LRTM3: variants seen among roughly 807,000 people sequenced by gnomAD.
The protein encoded by LRTM3 is leucine rich repeat transmembrane protein 3, also known as leucine-rich repeat transmembrane protein 3.
At chr13:102,745,064 TCTCTTTGTATTGG>T in the LRTM3 span, 3 of 1,550,882 alleles carry the variant, frequency 1.9e-6, no homozygotes, top group South Asian at 3.6e-5. Context: ...CTTTGTCTCC[TCTCTTTGTATTGG>T]CTCTGCAGGC....
chr13:102,731,287 A>G, the LRTM3 span: 9 of 1,551,184 alleles, frequency 5.8e-6, no homozygotes, highest in African/African-American at 1.2e-4. Context: ...TCCCTTCTAG[A>G]GACATAAAGT....
At chr13:102,737,893 G>A in the LRTM3 span, 1 of 1,550,390 alleles carries the variant, frequency 6.4e-7, no homozygotes, top group Non-Finnish European at 8.7e-7. Flanking sequence ...GCAAATATAG[G>A]AACAGAACTC....
At chr13:102,732,508 A>G in the LRTM3 span, 47 of 1,551,082 alleles carry the variant, frequency 3.0e-5, no homozygotes, top group Non-Finnish European at 3.7e-5. Context: ...AATAAAATGA[A>G]TCCAGAACAT....
chr13:102,749,873 C>G, the LRTM3 span: 1 of 1,551,428 alleles, frequency 6.4e-7, no homozygotes, highest in South Asian at 1.2e-5. Flanking sequence ...CTCTTGAGAT[C>G]TTGAGCATTG....
the LRTM3 span, chr13:102,743,819 T>C: frequency 6.5e-7 from 1 of 1,550,280 alleles, no homozygotes; most frequent in Non-Finnish European, 8.7e-7. Flanking sequence ...ACATTTGGCA[T>C]TGAATATAAT....
the LRTM3 span, chr13:102,738,270 T>C: frequency 1.3e-6 from 2 of 1,550,776 alleles, no homozygotes; most frequent in East Asian, 4.9e-5. Context: ...TGTACTTTGA[T>C]TGTGATATCA....
the LRTM3 span, chr13:102,732,404 ATAGT>A: frequency 6.4e-7 from 1 of 1,551,346 alleles, no homozygotes; most frequent in Non-Finnish European, 8.7e-7. Flanking sequence ...CTGGATTTTC[ATAGT>A]TAAATATTTG....
At chr13:102,730,712 C>T in the LRTM3 span, 1 of 1,551,938 alleles carries the variant, frequency 6.4e-7, no homozygotes, top group Non-Finnish European at 8.7e-7. Context: ...AAGACTACCA[C>T]TTTGTCCACC....
the LRTM3 span, among the ~76,000 whole-genome samples, chr13:102,755,941 A>ATG: frequency 5.8e-5 from 2 of 34,714 alleles, no homozygotes; most frequent in African/African-American, 1.5e-4. Flanking sequence ...GTATATATAT[A>ATG]CATATATATA....
At chr13:102,739,481 C>T in the LRTM3 span, 1 of 1,550,478 alleles carries the variant, frequency 6.4e-7, no homozygotes, top group Non-Finnish European at 8.7e-7. Flanking sequence ...TGCTTTTGTT[C>T]TTGAATTTGA....
chr13:102,740,436 G>A, the LRTM3 span: 15 of 1,550,114 alleles, frequency 9.7e-6, no homozygotes, highest in Non-Finnish European at 1.3e-5. Flanking sequence ...TTTTCCTGAG[G>A]CATTAAATGT....
the LRTM3 span, chr13:102,729,496 C>A: frequency 6.8e-7 from 1 of 1,463,672 alleles, no homozygotes; most frequent in Non-Finnish European, 9.0e-7. Flanking sequence ...GCGACCCCAA[C>A]AACTTTTTGG....
chr13:102,744,097 A>T, the LRTM3 span: 1 of 1,550,626 alleles, frequency 6.4e-7, no homozygotes, highest in Non-Finnish European at 8.7e-7. Context: ...CCTCTCCTAT[A>T]CTTGTGTACC....
chr13:102,744,316 T>C, the LRTM3 span: 1 of 1,550,460 alleles, frequency 6.4e-7, no homozygotes, highest in East Asian at 2.4e-5. Flanking sequence ...TGGAGAAATC[T>C]AAAGGTTTTA....
At chr13:102,734,847 G>T in the LRTM3 span, 1 of 1,550,920 alleles carries the variant, frequency 6.4e-7, no homozygotes, top group South Asian at 1.2e-5. Flanking sequence ...TGATGTTTGG[G>T]GAATATTAAG....
the LRTM3 span, chr13:102,749,141 A>G: frequency 6.4e-7 from 1 of 1,550,548 alleles, no homozygotes; most frequent in Non-Finnish European, 8.7e-7. Context: ...CTTGCATCCT[A>G]ACTCATTCCT....
the LRTM3 span, chr13:102,729,744 A>G: frequency 5.8e-6 from 9 of 1,551,886 alleles, no homozygotes; most frequent in East Asian, 2.4e-5. Context: ...AAACAATCCA[A>G]TCTTTCTGAC....
the LRTM3 span, chr13:102,746,658 T>C: frequency 1.3e-6 from 2 of 1,551,236 alleles, no homozygotes; most frequent in Non-Finnish European, 8.7e-7. Context: ...TTCATCACTT[T>C]AGAACAAGAT....
the LRTM3 span, chr13:102,738,359 G>T: frequency 6.4e-7 from 1 of 1,550,874 alleles, no homozygotes; most frequent in African/African-American, 1.4e-5. Context: ...ATAGTATCTT[G>T]TTATTTCAGT....
Sources: allele counts gnomAD v4.1 joint callset (sites outside exome capture counted in the v4.1 genomes callset), GRCh38; gene constraint gnomAD v4.1.1; transcripts MANE v1.5; gene names NCBI Gene and HGNC (gene_info 2026-07-23, HGNC 2026-07-21).